The following CSMD1 variants were observed in gnomAD, a reference collection of about 807,000 sequenced individuals.
The protein encoded by CSMD1 is CUB and sushi domain-containing protein 1.
Under a neutral mutation model 417.5 loss-of-function variants are expected in CSMD1, and 213 were observed. The ratio of observed to expected loss-of-function variants is 0.51; its 90% confidence interval spans 0.46 to 0.57. CSMD1 has a LOEUF of 0.57. Among genes scored for constraint, CSMD1 ranks in the 20% least tolerant of loss-of-function variants. The pLI, the probability that CSMD1 is intolerant of heterozygous loss-of-function variation, is 0.00. For missense variants in CSMD1, 6,923 were observed against 4,529.7 expected, an observed-to-expected ratio of 1.53 and a Z score of -15.17; for synonymous variants, 2,862 against 1,736.8, an observed-to-expected ratio of 1.65 and a Z score of -16.11.
At chr8:4,154,560 C>T (rs181212540) in intron 3 of CSMD1, among the ~76,000 whole-genome samples, 4 of 152,268 alleles carry the variant, frequency 2.6e-5, no homozygotes, top group African/African-American at 7.2e-5. Flanking sequence ...GCTTCTAACG[C>T]CGTGAGCTGG....
intron 3 of CSMD1, among the ~76,000 whole-genome samples, chr8:4,179,659 A>C (rs191105801): frequency 0.028 from 4,254 of 152,202 alleles, 218 homozygotes; most frequent in African/African-American, 0.096. Context: ...GAATGGGAGG[A>C]AATTTTCGCA....
intron 12 of CSMD1, among the ~76,000 whole-genome samples, chr8:3,456,131 T>C (rs151223112): frequency 9.4e-4 from 143 of 152,324 alleles, no homozygotes; most frequent in African/African-American, 3.1e-3. Context: ...TATAATCTCC[T>C]GGTGTGCCAT....
At chr8:4,411,115 A>G (rs1363996593) in intron 3 of CSMD1, among the ~76,000 whole-genome samples, 1 of 152,096 alleles carries the variant, frequency 6.6e-6, no homozygotes, top group African/African-American at 2.4e-5. Flanking sequence ...CTGATCTTCA[A>G]TCTCCCAACC....
intron 3 of CSMD1, among the ~76,000 whole-genome samples, chr8:4,283,894 A>T (rs1796920399): frequency 6.6e-6 from 1 of 152,198 alleles, no homozygotes; most frequent in South Asian, 2.1e-4. Flanking sequence ...TCTTATACAT[A>T]CATTTTCATC....
At chr8:3,544,946 T>A (rs1257833859) in intron 10 of CSMD1, among the ~76,000 whole-genome samples, 2 of 152,054 alleles carry the variant, frequency 1.3e-5, no homozygotes, top group Admixed American at 6.5e-5. Context: ...ATATCTTAGA[T>A]CTCTTCTTTC....
intron 25 of CSMD1, among the ~76,000 whole-genome samples, chr8:3,293,918 G>A (rs1029972594): frequency 6.6e-6 from 1 of 152,008 alleles, no homozygotes; most frequent in African/African-American, 2.4e-5. Flanking sequence ...TTTTTAGTTT[G>A]CAGTTTTTCT....
At chr8:3,152,213 G>A (rs564682207) in intron 39 of CSMD1, among the ~76,000 whole-genome samples, 6 of 152,308 alleles carry the variant, frequency 3.9e-5, no homozygotes, top group East Asian at 3.9e-4. Context: ...TTATCTTGGC[G>A]ACTCACATGT....
At chr8:4,295,716 TTATATA>T (rs776216174) in intron 3 of CSMD1, among the ~76,000 whole-genome samples, 1 of 140,260 alleles carries the variant, frequency 7.1e-6, no homozygotes. Flanking sequence ...TGTGTTAAAA[TTATATA>T]TATCTGTGTG....
chr8:4,923,491 T>C (rs1397699376), intron 1 of CSMD1, among the ~76,000 whole-genome samples: 1 of 151,646 alleles, frequency 6.6e-6, no homozygotes, highest in Non-Finnish European at 1.5e-5. Context: ...TCTTATGTAC[T>C]TTCTCTCTAA....
In CSMD1 at chr8:4,031,783, G is replaced by A. The variant is rs146311639; in HGVS notation, c.610+122C>T. 12 of 667,572 alleles carry A rather than the reference G, an allele frequency of 1.8e-5. No homozygotes were observed. The South Asian group carries it at 1.9e-4, about 11-fold the overall frequency. The allele number at this position is 667,572 out of a possible 1,614,324, so 41.4% of individuals were successfully genotyped here. On this transcript the variant is annotated intron_variant, in intron 4 of 69. Coordinates refer to ENST00000635120, the MANE Select transcript of CSMD1 (RefSeq NM_033225.6). ...ATTGCTTTCAGGAGCAGAATGAGCT[G>A]ACATTGTAAGAGTCAGCTCAACATG...
At chr8:3,956,209 T>C (rs10503225) in intron 5 of CSMD1, among the ~76,000 whole-genome samples, 23,533 of 152,170 alleles carry the variant, frequency 0.15, 2,282 homozygotes, top group African/African-American at 0.27. Context: ...TAAATGTAGA[T>C]AGCATATAAT....
At chr8:3,967,019 A>T (rs1812721292) in intron 5 of CSMD1, among the ~76,000 whole-genome samples, 1 of 152,130 alleles carries the variant, frequency 6.6e-6, no homozygotes, top group East Asian at 1.9e-4. Flanking sequence ...TGGTGAAATA[A>T]TCTCCAAGGC....
At chr8:4,459,125 C>A (rs751765991) in intron 2 of CSMD1, among the ~76,000 whole-genome samples, 2 of 152,176 alleles carry the variant, frequency 1.3e-5, no homozygotes, top group East Asian at 1.9e-4. Context: ...AGGGTCAGGC[C>A]ACCATCCTTT....
intron 5 of CSMD1, among the ~76,000 whole-genome samples, chr8:3,979,320 G>C (rs769597873): frequency 1.3e-5 from 2 of 152,162 alleles, no homozygotes; most frequent in Admixed American, 6.5e-5. Flanking sequence ...GTGTGAATCA[G>C]GTATCACGCT....
intron 3 of CSMD1, among the ~76,000 whole-genome samples, chr8:4,317,074 G>A (rs899705328): frequency 2.6e-5 from 4 of 152,110 alleles, no homozygotes; most frequent in African/African-American, 7.2e-5. Flanking sequence ...GAATTAATCA[G>A]CTACTAGTGT....
intron 18 of CSMD1, among the ~76,000 whole-genome samples, chr8:3,382,464 T>C (rs1810693357): frequency 8.4e-6 from 1 of 118,570 alleles, no homozygotes; most frequent in African/African-American, 3.1e-5. Context: ...ATATATAATA[T>C]ATTATATATA....
intron 3 of CSMD1, among the ~76,000 whole-genome samples, chr8:4,058,980 A>G (rs1798835699): frequency 2.0e-5 from 3 of 151,922 alleles, no homozygotes; most frequent in Admixed American, 2.0e-4. Context: ...CCAAATCAAC[A>G]CAACACAAAT....
At chr8:4,888,955 A>G (rs1252185603) in intron 1 of CSMD1, among the ~76,000 whole-genome samples, 2 of 152,156 alleles carry the variant, frequency 1.3e-5, no homozygotes, top group Non-Finnish European at 2.9e-5. Flanking sequence ...ATCTTTACTT[A>G]CAATATAATT....
intron 5 of CSMD1, among the ~76,000 whole-genome samples, chr8:3,912,949 A>C (rs2554702): frequency 2.0e-5 from 3 of 151,976 alleles, no homozygotes; most frequent in African/African-American, 4.8e-5. Flanking sequence ...GGGTGTGAAC[A>C]TGGATTGAGA....
Sources: allele counts gnomAD v4.1 joint callset (sites outside exome capture counted in the v4.1 genomes callset), GRCh38; gene constraint gnomAD v4.1.1; transcripts MANE v1.5; gene names NCBI Gene and HGNC (gene_info 2026-07-23, HGNC 2026-07-21).